The following SEPHS1 variants were observed in gnomAD, a reference collection of about 807,000 sequenced individuals.
SEPHS1 encodes the protein zincore component SEPHS1.
SEPHS1 carries 7 observed loss-of-function variants against 39.2 expected under a neutral mutation model. The observed-to-expected ratio is 0.18, with a 90% CI of 0.10 to 0.34. SEPHS1 has a LOEUF of 0.34. SEPHS1 is among the 10% of genes least tolerant of loss of function. The pLI is 1.00. For missense variants in SEPHS1, 253 were observed against 514.5 expected (o/e 0.49, Z 4.92); for synonymous variants, 190 against 195.5 (o/e 0.97, Z 0.23).
At chr10:13,332,247 C>T (rs749353511) in intron 5 of SEPHS1, among the ~76,000 whole-genome samples, 9 of 152,192 alleles carry the variant, frequency 5.9e-5, no homozygotes, top group African/African-American at 1.4e-4. Context: ...GAAAACATTC[C>T]GCTATGGGAG....
intron 1 of SEPHS1, among the ~76,000 whole-genome samples, chr10:13,346,080 T>C (rs901291919): frequency 6.6e-6 from 1 of 152,196 alleles, no homozygotes; most frequent in African/African-American, 2.4e-5. Context: ...ACACACATCA[T>C]TGACAAAATA....
chr10:13,346,642 AG>A (rs201367247), intron 1 of SEPHS1, among the ~76,000 whole-genome samples: 13 of 92,650 alleles, frequency 1.4e-4, no homozygotes, highest in Non-Finnish European at 2.1e-5. Context: ...TTGACTTGGA[AG>A]GCGTTTTCAA....
chr10:13,340,197 T>A (rs570656416), intron 2 of SEPHS1, among the ~76,000 whole-genome samples: 2 of 152,134 alleles, frequency 1.3e-5, no homozygotes, highest in African/African-American at 4.8e-5. Flanking sequence ...ACCAGATCTT[T>A]CCTGCTGCAA....
intron 8 of SEPHS1, among the ~76,000 whole-genome samples, chr10:13,322,378 T>G (rs1833143985): frequency 6.6e-6 from 1 of 152,014 alleles, no homozygotes; most frequent in Non-Finnish European, 1.5e-5. Flanking sequence ...ACTCCTGATC[T>G]CACGTGATGT....
chr10:13,338,580 G>A, intron 3 of SEPHS1, 125 bp downstream of exon 3: 2 of 707,186 alleles, frequency 2.8e-6, no homozygotes, highest in Admixed American at 4.9e-5. Flanking sequence ...GCAGGGTGGG[G>A]CAGTATAGTC....
intron 2 of SEPHS1, among the ~76,000 whole-genome samples, chr10:13,343,848 G>A (rs1833859825): frequency 6.6e-6 from 1 of 152,102 alleles, no homozygotes; most frequent in African/African-American, 2.4e-5. Context: ...AAGTCACACA[G>A]TAATTATCGA....
In SEPHS1 at chr10:13,339,268, C is replaced by T. The variant is rs188446788; in HGVS notation, c.194-460G>A. On this transcript the variant is annotated intron_variant, in intron 2 of 8. Transcript: ENST00000327347. ...TCAGAAACCATGTAAAATATTTTTA[C>T]ATTGAAAAATGCTATTATTACTTAT... 3.0e-3 allele frequency among the ~76,000 whole-genome samples: 459 copies of T among 152,168 alleles called. 2 individuals are homozygous for T. The highest frequency in any genetic ancestry group is 5.4e-3 in the Non-Finnish European group (370 of 67,998).
chr10:13,332,838 G>A (rs1335990234), intron 5 of SEPHS1, among the ~76,000 whole-genome samples: 8 of 144,050 alleles, frequency 5.6e-5, no homozygotes, highest in South Asian at 2.1e-4. Context: ...GTAAGACTCC[G>A]TCTCAAAAAA....
Position 13,329,686 on chromosome 10 carries a change from T to C in SEPHS1, c.651+12A>G, listed in dbSNP as rs1554789568. The C allele has an allele frequency of 1.3e-6, 2 of 1,588,014 alleles. No individual in the cohort carries two copies. Among genetic ancestry groups the C allele is most frequent in the Non-Finnish European group, 1.7e-6 (2 of 1,164,844 alleles). On this transcript the variant is annotated intron_variant, in intron 6 of 8. Coordinates refer to ENST00000327347, the MANE Select transcript of SEPHS1 (RefSeq NM_012247.5). ...ATTCCCCTCCCTCCCATCACAGCAGTGGTTTACTCACGATATCCAGCCACT... is the reference window on the plus strand; with the variant it reads ...ATTCCCCTCCCTCCCATCACAGCAGCGGTTTACTCACGATATCCAGCCACT...
intron 1 of SEPHS1, 190 bp from the exon 2 acceptor site, chr10:13,345,218 C>G: frequency 3.4e-6 from 1 of 292,002 alleles, no homozygotes; most frequent in East Asian, 5.8e-5. Flanking sequence ...TCAGCACAGA[C>G]ATCTATGTAA....
chr10:13,342,348 A>C (rs1833816542), intron 2 of SEPHS1, among the ~76,000 whole-genome samples: 1 of 152,104 alleles, frequency 6.6e-6, no homozygotes, highest in Admixed American at 6.5e-5. Context: ...TGGGAGGCTG[A>C]GGTGGGTGGA....
At chr10:13,329,580 G>C in intron 6 of SEPHS1, 118 bp downstream of exon 6, 1 of 689,314 alleles carries the variant, frequency 1.5e-6, no homozygotes, top group Non-Finnish European at 2.5e-6. Flanking sequence ...TTAAGGACTT[G>C]ACTAATATTA....
intron 5 of SEPHS1, among the ~76,000 whole-genome samples, chr10:13,332,257 G>GC (rs1295439866): frequency 6.6e-6 from 1 of 152,212 alleles, no homozygotes; most frequent in East Asian, 1.9e-4. Flanking sequence ...CGCTATGGGA[G>GC]TGAAGCCAGA....
At chr10:13,336,690 T>G (rs7901303) in intron 3 of SEPHS1, among the ~76,000 whole-genome samples, 96,819 of 152,040 alleles carry the variant, frequency 0.64, 31,096 homozygotes, top group East Asian at 0.77. Context: ...GAGAAGCAAG[T>G]TTAGAACCGA....
chr10:13,342,836 A>T (rs905587619), intron 2 of SEPHS1, among the ~76,000 whole-genome samples: 1 of 151,964 alleles, frequency 6.6e-6, no homozygotes, highest in Non-Finnish European at 1.5e-5. Context: ...CCCGGGCTCA[A>T]GGGATCCTCC....
Position 13,344,754 on chromosome 10 carries a change from C to T in SEPHS1, c.193+4G>A, listed in dbSNP as rs117211901. ...GACCATCAAAGAAACACTGGGTTAC[C>T]TACCAAGCCTTGGCATAACGGCTCC... On this transcript the variant is annotated splice_donor_region_variant and intron_variant, in intron 2 of 8. Transcript: ENST00000327347. 733 of 1,491,682 alleles carry T rather than the reference C, an allele frequency of 4.9e-4. 4 individuals carry two copies. The Admixed American group carries it at 0.011, about 22-fold the overall frequency. The allele number at this position is 1,491,682 out of a possible 1,614,324, so 92.4% of individuals were successfully genotyped here.
chr10:13,333,832 G>A lies in SEPHS1; in HGVS notation c.545C>T (p.Pro182Leu). ...ATCAACTTACATGATAAATTCATTG[G>A]GTTGGCAGACAGTGGTAGCCACTCC... Reference protein sequence around the residue: ...LGGVATTVCQPNEFIMPDNAV... With the variant: ...LGGVATTVCQLNEFIMPDNAV... The change falls in exon 5 of 9, where the codon CCC (proline) becomes CTC (leucine). Residue 182 changes from proline to leucine, a missense_variant. Physicochemically the swap from Pro to Leu is moderately conservative, Grantham distance 98. Coordinates refer to ENST00000327347, the MANE Select transcript of SEPHS1 (RefSeq NM_012247.5). 6.2e-7 allele frequency: 1 copy of A among 1,613,608 alleles called. No homozygotes were observed. Among genetic ancestry groups the A allele is most frequent in the South Asian group, 1.1e-5 (1 of 90,980 alleles).
chr10:13,322,411 G>A (rs142269915), intron 8 of SEPHS1, among the ~76,000 whole-genome samples: 2 of 152,142 alleles, frequency 1.3e-5, no homozygotes, highest in African/African-American at 4.8e-5. Context: ...CTCCTGAGGT[G>A]CCAGTATTAC....
At position 13,319,080 on chromosome 10, in the gene SEPHS1, T is replaced by C. The variant is rs994955615; in HGVS notation, c.*62A>G. On this transcript the variant is annotated 3_prime_UTR_variant, in exon 9 of 9. Transcript: ENST00000327347. ...GATTTTTGTTGTTTATAGTCTTTAA[T>C]TGAAGTGATAAGGGAAATAGATCTA... The C allele has an allele frequency of 3.3e-6, 5 of 1,522,876 alleles. No homozygotes were observed. Among genetic ancestry groups the C allele is most frequent in the Admixed American group, 3.6e-5 (2 of 56,110 alleles). 94.3% of individuals were successfully genotyped at this position (1,522,876 alleles called of 1,614,324 possible).
Sources: gnomAD v4.1 joint callset for allele counts (sites outside exome capture counted in the v4.1 genomes callset) on GRCh38, gnomAD v4.1.1 for gene constraint, MANE v1.5 for transcripts, NCBI Gene and HGNC (gene_info 2026-07-23, HGNC 2026-07-21) for gene names.